CFAP263: variants seen among roughly 807,000 people sequenced by gnomAD.
CFAP263 encodes the protein cilia and flagella associated protein 263.
chr16:58,261,762 C>T, the CFAP263 span, among the ~76,000 whole-genome samples: 1 of 152,146 alleles, frequency 6.6e-6, no homozygotes, highest in South Asian at 2.1e-4. Context: ...GAGTGAGGAA[C>T]AGCAGTTCCC....
At chr16:58,266,405 A>ATATATATT in the CFAP263 span, among the ~76,000 whole-genome samples, 6 of 31,438 alleles carry the variant, frequency 1.9e-4, no homozygotes, top group African/African-American at 6.9e-4. Context: ...ATATATATAT[A>ATATATATT]TTTTTTTTTT....
At chr16:58,266,399 ATATATATTTTT>A in the CFAP263 span, among the ~76,000 whole-genome samples, 58 of 39,274 alleles carry the variant, frequency 1.5e-3, no homozygotes, top group African/African-American at 3.4e-3. Flanking sequence ...ATATATATAT[ATATATATTTTT>A]TTTTTTTTTT....
At chr16:58,256,811 T>C in the CFAP263 span, among the ~76,000 whole-genome samples, 1 of 151,798 alleles carries the variant, frequency 6.6e-6, no homozygotes, top group Non-Finnish European at 1.5e-5. Flanking sequence ...TGGCTAGAGA[T>C]ACCATTCCAT....
At chr16:58,253,204 C>T in the CFAP263 span, among the ~76,000 whole-genome samples, 80 of 152,054 alleles carry the variant, frequency 5.3e-4, no homozygotes, top group African/African-American at 1.8e-3. Flanking sequence ...ATTGCAAGAC[C>T]CCATCTTTAC....
the CFAP263 span, among the ~76,000 whole-genome samples, chr16:58,279,135 G>A: frequency 6.6e-6 from 1 of 152,196 alleles, no homozygotes; most frequent in Non-Finnish European, 1.5e-5. Flanking sequence ...GCTCCTGTGA[G>A]CTGCGGGAGA....
At chr16:58,252,691 T>C in the CFAP263 span, 2 of 1,598,110 alleles carry the variant, frequency 1.3e-6, no homozygotes, top group Non-Finnish European at 1.7e-6. Flanking sequence ...TTTAAACTCT[T>C]ATTACTAGAA....
chr16:58,279,743 A>G, the CFAP263 span: 13 of 1,613,104 alleles, frequency 8.1e-6, no homozygotes, highest in South Asian at 9.9e-5. Flanking sequence ...ATAACCAATG[A>G]GCAGTTGCAG....
At chr16:58,258,027 G>A in the CFAP263 span, among the ~76,000 whole-genome samples, 165 of 149,838 alleles carry the variant, frequency 1.1e-3, no homozygotes, top group African/African-American at 3.8e-3. Context: ...AGAATTGCTC[G>A]AACCGAGGAG....
the CFAP263 span, among the ~76,000 whole-genome samples, chr16:58,271,115 T>C: frequency 6.6e-6 from 1 of 152,216 alleles, no homozygotes; most frequent in Non-Finnish European, 1.5e-5. Flanking sequence ...TTATTTGCAC[T>C]ACTTTTTTAA....
the CFAP263 span, among the ~76,000 whole-genome samples, chr16:58,262,791 A>ATAGATAGATAGATAGG: frequency 1.1e-4 from 17 of 152,192 alleles, no homozygotes; most frequent in Admixed American, 2.6e-4. Context: ...AGATAGATAG[A>ATAGATAGATAGATAGG]TAGATAGATA....
the CFAP263 span, among the ~76,000 whole-genome samples, chr16:58,254,360 A>G: frequency 1.3e-5 from 2 of 152,142 alleles, no homozygotes; most frequent in Non-Finnish European, 2.9e-5. Flanking sequence ...TTTAATGGGA[A>G]ATTTCAAAAA....
At chr16:58,277,539 A>C in the CFAP263 span, among the ~76,000 whole-genome samples, 4 of 152,254 alleles carry the variant, frequency 2.6e-5, no homozygotes, top group African/African-American at 9.6e-5. Flanking sequence ...TTGAATTACC[A>C]TAGCTTCTAG....
the CFAP263 span, chr16:58,282,049 C>G: frequency 1.3e-5 from 2 of 151,618 alleles, no homozygotes; most frequent in Non-Finnish European, 1.5e-5. Context: ...TGCTCTGTCC[C>G]CCATGCTGGA....
the CFAP263 span, among the ~76,000 whole-genome samples, chr16:58,268,413 G>A: frequency 6.6e-6 from 1 of 152,196 alleles, no homozygotes; most frequent in African/African-American, 2.4e-5. Flanking sequence ...CCAATTTCTG[G>A]TCTTGAACAA....
the CFAP263 span, among the ~76,000 whole-genome samples, chr16:58,279,055 A>G: frequency 6.6e-6 from 1 of 152,106 alleles, no homozygotes; most frequent in African/African-American, 2.4e-5. Context: ...CACAGTCGCC[A>G]TGGGTCTTTC....
chr16:58,261,599 A>G, the CFAP263 span, among the ~76,000 whole-genome samples: 1 of 152,228 alleles, frequency 6.6e-6, no homozygotes, highest in Non-Finnish European at 1.5e-5. Flanking sequence ...GGGGCTCAGC[A>G]GAGAGAGGGA....
At chr16:58,250,152 T>C in the CFAP263 span, 13 of 1,290,512 alleles carry the variant, frequency 1.0e-5, no homozygotes, top group Non-Finnish European at 1.4e-5. Context: ...CCCCTCTTCC[T>C]CCTAGGCCCT....
chr16:58,250,103 T>G, the CFAP263 span: 1 of 1,581,948 alleles, frequency 6.3e-7, no homozygotes, highest in South Asian at 1.2e-5. Context: ...TGCGGGCTGG[T>G]GGAGGAGCTC....
chr16:58,259,768 C>T, the CFAP263 span: 1 of 757,208 alleles, frequency 1.3e-6, no homozygotes, highest in Admixed American at 2.9e-5. Flanking sequence ...GTTTGGTTTG[C>T]AGCCCCAGAA....
Sources: gnomAD v4.1 joint callset for allele counts (sites outside exome capture counted in the v4.1 genomes callset) on GRCh38, gnomAD v4.1.1 for gene constraint, MANE v1.5 for transcripts, NCBI Gene and HGNC (gene_info 2026-07-23, HGNC 2026-07-21) for gene names.